The following DACH1 variants were observed in gnomAD, a reference collection of about 807,000 sequenced individuals.
DACH1 encodes dachshund family transcription factor 1.
Under a neutral mutation model 54.2 loss-of-function variants are expected in DACH1, and 12 were observed. That is an observed-to-expected ratio of 0.22 (90% CI 0.14 to 0.36). The LOEUF (loss-of-function observed/expected upper bound fraction) is 0.36. Among genes scored for constraint, DACH1 ranks in the 10% least tolerant of loss-of-function variants. The pLI is 1.00. For synonymous variants in DACH1, 386 were observed against 366.2 expected (o/e 1.05, Z -0.62); for missense variants, 805 against 929.8 (o/e 0.87, Z 1.75).
chr13:71,633,270 G>GA (rs1877236999), intron 2 of DACH1, among the ~76,000 whole-genome samples: 1 of 151,924 alleles, frequency 6.6e-6, no homozygotes. Context: ...TAATCCCCAA[G>GA]AAAAAATATA....
At chr13:71,748,204 A>G (rs1194752118) in intron 1 of DACH1, among the ~76,000 whole-genome samples, 20 of 152,082 alleles carry the variant, frequency 1.3e-4, no homozygotes, top group Non-Finnish European at 2.8e-4. Flanking sequence ...GCTCCAAACA[A>G]TGTTGAGGGG....
intron 1 of DACH1, among the ~76,000 whole-genome samples, chr13:71,705,222 G>A (rs1882375811): frequency 6.6e-6 from 1 of 152,078 alleles, no homozygotes; most frequent in African/African-American, 2.4e-5. Context: ...CATAAATCTT[G>A]GACTTCGTTT....
rs189465296 is a variant in DACH1 at position 71,597,793 on chromosome 13, T to G, written c.1127-24781A>C. On this transcript the variant is annotated intron_variant, in intron 3 of 10. Transcript: ENST00000613252. ...TAAGTGCTCAAAAAATTGGAGGCCC[T>G]ATTATTAACAAGAGGATAATTGTTT... Among the ~76,000 whole-genome samples the G allele has an allele frequency of 1.3e-4, 20 of 152,252 alleles. No individual in the cohort carries two copies. The East Asian group carries it at 3.7e-3, about 28-fold the overall frequency.
intron 3 of DACH1, among the ~76,000 whole-genome samples, chr13:71,621,211 G>A (rs555452081): frequency 3.1e-4 from 47 of 151,884 alleles, no homozygotes; most frequent in Non-Finnish European, 6.3e-4. Flanking sequence ...ACACTTTTTG[G>A]CCGAACAATT....
intron 1 of DACH1, among the ~76,000 whole-genome samples, chr13:71,854,990 C>A (rs888540071): frequency 3.3e-5 from 5 of 151,904 alleles, no homozygotes; most frequent in Admixed American, 1.3e-4. Context: ...GAAAAAGAAT[C>A]AACAATGTAT....
At chr13:71,735,004 G>A (rs548895780) in intron 1 of DACH1, among the ~76,000 whole-genome samples, 1 of 146,788 alleles carries the variant, frequency 6.8e-6, no homozygotes, top group Admixed American at 6.8e-5. Flanking sequence ...TACAGACACA[G>A]GATATTTATA....
In DACH1 at chr13:71,711,354, C is replaced by T. The variant is rs887461454; in HGVS notation, c.849-29444G>A. Among the ~76,000 whole-genome samples the T allele has an allele frequency of 7.9e-5, 12 of 152,250 alleles. No homozygotes were observed. In the East Asian group the frequency reaches 1.7e-3, roughly 22 times the overall value. Reference sequence around the variant, plus strand: ...TCAGGGAAGGTCTCCACAGACTCTTCTCTTGAAGGTTTTTAACATCTAAGA... The same window carrying T: ...TCAGGGAAGGTCTCCACAGACTCTTTTCTTGAAGGTTTTTAACATCTAAGA... On this transcript the variant is annotated intron_variant, in intron 1 of 10. Coordinates refer to ENST00000613252, the MANE Select transcript of DACH1 (RefSeq NM_080759.6).
At chr13:71,535,198 T>A (rs1281086303) in intron 6 of DACH1, among the ~76,000 whole-genome samples, 1 of 151,876 alleles carries the variant, frequency 6.6e-6, no homozygotes, top group Non-Finnish European at 1.5e-5. Flanking sequence ...CAATTTATAA[T>A]GTATAATACT....
rs1593662329 is a variant in DACH1, at chr13:71,863,342, C to T, written c.848+2580G>A. ...ACTAAACACCTTCTCAAGTTAATGA[C>T]TACAATATTGCATGTATTTAAGTTT... On this transcript the variant is annotated intron_variant, in intron 1 of 10. Coordinates refer to ENST00000613252, the MANE Select transcript of DACH1 (RefSeq NM_080759.6). Among the ~76,000 whole-genome samples the T allele has an allele frequency of 3.3e-5, 5 of 152,072 alleles. No individual in the cohort carries two copies. In the South Asian group the frequency reaches 1.0e-3, roughly 31 times the overall value.
intron 1 of DACH1, among the ~76,000 whole-genome samples, chr13:71,720,719 T>C (rs1350130209): frequency 6.6e-6 from 1 of 152,192 alleles, no homozygotes; most frequent in Non-Finnish European, 1.5e-5. Flanking sequence ...TGCTTTGCTA[T>C]CCATATAAAA....
chr13:71,482,975 G>A (rs1458328194), intron 7 of DACH1, among the ~76,000 whole-genome samples: 1 of 151,542 alleles, frequency 6.6e-6, no homozygotes, highest in African/African-American at 2.4e-5. Context: ...TTATTTTTTT[G>A]TATTTTTAGT....
chr13:71,732,431 A>C (rs968538693), intron 1 of DACH1, among the ~76,000 whole-genome samples: 1 of 151,950 alleles, frequency 6.6e-6, no homozygotes, highest in South Asian at 2.1e-4. Flanking sequence ...CTAAAAATAC[A>C]AAAATTAGCT....
intron 6 of DACH1, among the ~76,000 whole-genome samples, chr13:71,537,995 G>A (rs892306221): frequency 7.9e-5 from 12 of 151,972 alleles, no homozygotes; most frequent in African/African-American, 2.9e-4. Flanking sequence ...CTCATTTTAT[G>A]CATCAGATAT....
At chr13:71,512,515 C>T (rs1402626338) in intron 6 of DACH1, among the ~76,000 whole-genome samples, 1 of 151,692 alleles carries the variant, frequency 6.6e-6, no homozygotes, top group Non-Finnish European at 1.5e-5. Context: ...GAGTAAAGAC[C>T]AAATTCTTAA....
chr13:71,523,901 T>C (rs1881775547), intron 6 of DACH1, among the ~76,000 whole-genome samples: 1 of 152,140 alleles, frequency 6.6e-6, no homozygotes, highest in African/African-American at 2.4e-5. Context: ...TTTTACCATA[T>C]GCAGTATGTG....
intron 7 of DACH1, among the ~76,000 whole-genome samples, chr13:71,481,001 TAACTC>T (rs796720508): frequency 2.3e-4 from 35 of 152,218 alleles, no homozygotes; most frequent in African/African-American, 6.3e-4. Context: ...ACTGCCATCT[TAACTC>T]AATTCAACAA....
chr13:71,530,345 C>T (rs1416338793), intron 6 of DACH1, among the ~76,000 whole-genome samples: 1 of 152,044 alleles, frequency 6.6e-6, no homozygotes, highest in Non-Finnish European at 1.5e-5. Flanking sequence ...GCTGTCTGTT[C>T]TACAGTTTAC....
At chr13:71,706,508 G>C (rs1258597166) in intron 1 of DACH1, among the ~76,000 whole-genome samples, 1 of 151,962 alleles carries the variant, frequency 6.6e-6, no homozygotes, top group Non-Finnish European at 1.5e-5. Context: ...CTGAAATTTA[G>C]CAAAAACATG....
At position 71,866,219 on chromosome 13, in the gene DACH1, T is replaced by C; in HGVS notation, c.551A>G (p.Gln184Arg). The stretch of plus-strand genomic sequence containing the variant: ...ATCCACCATTTTGCACTCATTATTC[T>C]GAGGGGTGTTTTCCACTGGGGACGG... ...STPSPVENTP[Q>R]NNECKMVDLR... The change falls in exon 1 of 11, where the codon CAG (glutamine) becomes CGG (arginine). Residue 184 changes from glutamine (Q) to arginine (R), a missense_variant. By Grantham distance (43) the Gln-to-Arg change is conservative. Transcript: ENST00000613252. 2 of 1,612,718 alleles carry C rather than the reference T, an allele frequency of 1.2e-6. No homozygotes were observed. The highest frequency in any genetic ancestry group is 1.7e-6 in the Non-Finnish European group (2 of 1,179,336).
Sources: allele counts gnomAD v4.1 joint callset (sites outside exome capture counted in the v4.1 genomes callset), GRCh38; gene constraint gnomAD v4.1.1; transcripts MANE v1.5; gene names NCBI Gene and HGNC (gene_info 2026-07-23, HGNC 2026-07-21).